The following DLGAP1 variants were observed in gnomAD, a reference collection of about 807,000 sequenced individuals.
DLGAP1 encodes disks large-associated protein 1.
A neutral mutation model predicts 90.8 loss-of-function variants in DLGAP1; 11 were observed. The observed-to-expected ratio is 0.12, with a 90% CI of 0.08 to 0.20. The LOEUF (loss-of-function observed/expected upper bound fraction) is 0.20. DLGAP1 is among the 10% of genes least tolerant of loss of function. The pLI, the probability that DLGAP1 is intolerant of heterozygous loss-of-function variation, is 1.00. For synonymous variants in DLGAP1, 558 were observed against 540.7 expected, an observed-to-expected ratio of 1.03 and a Z score of -0.44; for missense variants, 1,050 against 1,333.8, an observed-to-expected ratio of 0.79 and a Z score of 3.31.
chr18:4,294,624 T>C (rs985280014), intron 1 of DLGAP1: 6 of 152,296 alleles, frequency 3.9e-5, no homozygotes, highest in African/African-American at 1.4e-4. Context: ...AGTGGGCACA[T>C]GTTACAGTGT....
At chr18:4,219,652 T>C (rs551907792) in intron 1 of DLGAP1, among the ~76,000 whole-genome samples, 25 of 152,210 alleles carry the variant, frequency 1.6e-4, no homozygotes, top group African/African-American at 5.8e-4. Flanking sequence ...AAGTTGATTT[T>C]TGTGTATGGT....
chr18:4,170,486 T>C (rs1028570273), intron 1 of DLGAP1, among the ~76,000 whole-genome samples: 1 of 152,038 alleles, frequency 6.6e-6, no homozygotes, highest in African/African-American at 2.4e-5. Context: ...AAGCCACTGA[T>C]ATAATTTAAG....
intron 6 of DLGAP1, among the ~76,000 whole-genome samples, chr18:3,741,202 TCAC>T (rs1184385050): frequency 1.8e-3 from 58 of 31,370 alleles, no homozygotes; most frequent in African/African-American, 5.3e-3. Flanking sequence ...CACCACCAAA[TCAC>T]CACCACCACC....
At chr18:3,604,568 T>G (rs1011018243) in intron 7 of DLGAP1, among the ~76,000 whole-genome samples, 5 of 152,306 alleles carry the variant, frequency 3.3e-5, no homozygotes, top group African/African-American at 1.2e-4. Context: ...GATCCCTTTA[T>G]CTGCCCCGAG....
At chr18:3,979,157 C>A (rs1485108049) in intron 3 of DLGAP1, among the ~76,000 whole-genome samples, 1 of 152,118 alleles carries the variant, frequency 6.6e-6, no homozygotes, top group East Asian at 1.9e-4. Context: ...GGTCATGCAC[C>A]ACATAATAAT....
chr18:3,560,987 C>G (rs1011984359), intron 9 of DLGAP1, among the ~76,000 whole-genome samples: 2 of 150,776 alleles, frequency 1.3e-5, no homozygotes, highest in Admixed American at 6.6e-5. Context: ...TAAATATTTC[C>G]AATTCCTACC....
chr18:4,089,782 A>G (rs917373303), intron 2 of DLGAP1, among the ~76,000 whole-genome samples: 3 of 152,238 alleles, frequency 2.0e-5, no homozygotes, highest in East Asian at 1.9e-4. Context: ...ACGGTGGCTC[A>G]CGCCTGTAGT....
chr18:4,387,301 A>G (rs2082249807), intron 1 of DLGAP1, among the ~76,000 whole-genome samples: 1 of 152,224 alleles, frequency 6.6e-6, no homozygotes, highest in Admixed American at 6.5e-5. Context: ...CTGATTGGGA[A>G]ATAAGCCACA....
chr18:4,425,325 C>A (rs1174819722), intron 1 of DLGAP1, among the ~76,000 whole-genome samples: 1 of 114,828 alleles, frequency 8.7e-6, no homozygotes, highest in Non-Finnish European at 2.1e-5. Flanking sequence ...GGTGACTAAC[C>A]ATGTTCATGC....
At chr18:3,577,884 C>T (rs945943269) in intron 8 of DLGAP1, among the ~76,000 whole-genome samples, 6 of 152,150 alleles carry the variant, frequency 3.9e-5, no homozygotes, top group African/African-American at 1.4e-4. Context: ...TATGAGATCT[C>T]TGTCCAAAAA....
At chr18:4,294,463 G>C (rs2079926646) in intron 1 of DLGAP1, 1 of 152,214 alleles carries the variant, frequency 6.6e-6, no homozygotes, top group African/African-American at 2.4e-5. Flanking sequence ...GTGTGACAGG[G>C]GTATGGCTCT....
intron 1 of DLGAP1, among the ~76,000 whole-genome samples, chr18:4,171,560 A>G (rs1423300383): frequency 4.0e-5 from 6 of 149,840 alleles, no homozygotes; most frequent in Admixed American, 6.6e-5. Context: ...GCGAGACTCC[A>G]TCTCAAAAAA....
intron 3 of DLGAP1, among the ~76,000 whole-genome samples, chr18:3,924,593 A>C (rs2072339711): frequency 6.6e-6 from 1 of 152,134 alleles, no homozygotes; most frequent in Non-Finnish European, 1.5e-5. Flanking sequence ...TGAAAGTGTG[A>C]ATTTTTTCAG....
At chr18:3,635,665 T>A (rs1204557178) in intron 7 of DLGAP1, among the ~76,000 whole-genome samples, 2 of 151,574 alleles carry the variant, frequency 1.3e-5, no homozygotes, top group African/African-American at 4.9e-5. Flanking sequence ...TCCTTATGTT[T>A]AACCCAATTC....
At chr18:4,183,279 T>G (rs1364622051) in intron 1 of DLGAP1, among the ~76,000 whole-genome samples, 1 of 151,996 alleles carries the variant, frequency 6.6e-6, no homozygotes. Flanking sequence ...AATAGACGAG[T>G]TTAACTCTAG....
At chr18:4,401,324 A>G (rs905990670) in intron 1 of DLGAP1, among the ~76,000 whole-genome samples, 3 of 152,202 alleles carry the variant, frequency 2.0e-5, no homozygotes, top group African/African-American at 7.2e-5. Flanking sequence ...TCATCTTTGC[A>G]TTCTTAAAAT....
intron 1 of DLGAP1, among the ~76,000 whole-genome samples, chr18:4,236,676 G>A (rs2078423335): frequency 6.6e-6 from 1 of 151,056 alleles, no homozygotes; most frequent in African/African-American, 2.4e-5. Context: ...TCCCCATGTT[G>A]AGCTACTTTC....
At chr18:3,736,990 C>A (rs2062669374) in intron 6 of DLGAP1, among the ~76,000 whole-genome samples, 2 of 148,976 alleles carry the variant, frequency 1.3e-5, no homozygotes, top group Non-Finnish European at 3.0e-5. Flanking sequence ...ATACTACAAA[C>A]ACCTCTACGC....
intron 4 of DLGAP1, chr18:3,874,593 AT>A: frequency 6.6e-7 from 1 of 1,515,526 alleles, no homozygotes; most frequent in Non-Finnish European, 8.8e-7. Context: ...TATTTTATTT[AT>A]TTAACTATTA....
Sources: gnomAD v4.1 joint callset for allele counts (sites outside exome capture counted in the v4.1 genomes callset) on GRCh38, gnomAD v4.1.1 for gene constraint, MANE v1.5 for transcripts, NCBI Gene and HGNC (gene_info 2026-07-23, HGNC 2026-07-21) for gene names.